Variants in SENP6 observed in about 807,000 individuals in gnomAD.
SENP6 encodes the protein sentrin-specific protease 6.
SENP6 carries 41 observed loss-of-function variants against 134.5 expected under a neutral mutation model. That is an observed-to-expected ratio of 0.30 (90% CI 0.24 to 0.40). SENP6 has a LOEUF of 0.40. Ranked by LOEUF, SENP6 falls within the 10% of genes least tolerant of loss-of-function variation. SENP6 has a pLI of 1.00. For missense variants in SENP6, 1,248 were observed against 1,312.5 expected (o/e 0.95, Z 0.76); for synonymous variants, 395 against 429.8 (o/e 0.92, Z 1.00).
At chr6:75,670,416 T>A (rs1229010462) in intron 10 of SENP6, 137 bp from the exon 11 acceptor site, 12 of 542,508 alleles carry the variant, frequency 2.2e-5, no homozygotes, top group African/African-American at 3.7e-5. Context: ...TTTAATTTTA[T>A]CTAACACTGT....
At chr6:75,635,840 A>G (rs1174684766) in intron 5 of SENP6, among the ~76,000 whole-genome samples, 1 of 152,280 alleles carries the variant, frequency 6.6e-6, no homozygotes, top group South Asian at 2.1e-4. Context: ...TGCCCTGATC[A>G]TACTAATAGA....
chr6:75,684,327 A>G (rs950961292), intron 16 of SENP6, among the ~76,000 whole-genome samples: 5 of 152,242 alleles, frequency 3.3e-5, no homozygotes, highest in Non-Finnish European at 7.3e-5. Flanking sequence ...TAAATACACA[A>G]TCATGTCATC....
chr6:75,662,668 T>C (rs183490623), intron 8 of SENP6, among the ~76,000 whole-genome samples: 2 of 152,346 alleles, frequency 1.3e-5, no homozygotes, highest in Admixed American at 1.3e-4. Flanking sequence ...TAAATGTTTC[T>C]TAGCTGATGG....
At chr6:75,681,082 T>C (rs1773431470) in intron 16 of SENP6, among the ~76,000 whole-genome samples, 1 of 152,178 alleles carries the variant, frequency 6.6e-6, no homozygotes, top group South Asian at 2.1e-4. Flanking sequence ...GTCAGAATTA[T>C]TTGACAAAGA....
At position 75,677,195 on chromosome 6, in the gene SENP6, C is replaced by G; in HGVS notation, c.1787C>G (p.Thr596Arg). Residue 596 changes from threonine to arginine, a missense_variant, in exon 14 of 24, where the codon ACA becomes AGA. Around this residue, in one of 3 missense-constraint regions of SENP6, gnomAD observed 733 missense variants for 725.4 expected, o/e 1.01. Coordinates refer to ENST00000447266, the MANE Select transcript of SENP6 (RefSeq NM_015571.4). ...GCTAATGGCAGACTTGTTGCCTGTA[C>G]AAGAACCTATGAAGAGAGCATCAAA... ...EEANGRLVACTRTYEESIKGS... is the reference protein window; with the variant it reads ...EEANGRLVACRRTYEESIKGS... The G allele has an allele frequency of 6.2e-7, 1 of 1,612,112 alleles. No individual in the cohort carries two copies. Among genetic ancestry groups the G allele is most frequent in the Non-Finnish European group, 8.5e-7 (1 of 1,178,988 alleles).
chr6:75,695,770 A>C, intron 16 of SENP6, 34 bp from the exon 17 acceptor site: 1 of 1,492,726 alleles, frequency 6.7e-7, no homozygotes, highest in Non-Finnish European at 9.1e-7. Context: ...GAACTGTTAC[A>C]TTAATTATAT....
At chr6:75,625,398 A>G (rs930232158) in intron 3 of SENP6, among the ~76,000 whole-genome samples, 1 of 151,952 alleles carries the variant, frequency 6.6e-6, no homozygotes, top group Non-Finnish European at 1.5e-5. Context: ...TACAGACGTG[A>G]GCCACCGTGC....
chr6:75,614,656 G>C (rs1767715640), intron 1 of SENP6, among the ~76,000 whole-genome samples: 1 of 152,138 alleles, frequency 6.6e-6, no homozygotes, highest in Admixed American at 6.5e-5. Flanking sequence ...TTCACCCACT[G>C]GTTCAGCATC....
rs753337645 is a variant in SENP6, at chr6:75,663,224, T to A, written c.700T>A (p.Leu234Met). The A allele has an allele frequency of 6.2e-7, 1 of 1,607,826 alleles. No homozygotes were observed. Among genetic ancestry groups the A allele is most frequent in the Non-Finnish European group, 8.5e-7 (1 of 1,178,578 alleles). ...TTGTGGTGTTCTTTTTTCTAAGGAT[T>A]TGCAAAGAAATTGCAGACAAGCTAT... ...SKKCLTHLEDLQRNCRQAITL... is the reference protein window; with the variant it reads ...SKKCLTHLEDMQRNCRQAITL... The change falls in exon 9 of 24, where the codon TTG (leucine) becomes ATG (methionine). Residue 234 changes from leucine to methionine, a missense_variant. This residue lies in a region of SENP6 where 733 missense variants were observed against 725.4 expected (regional missense o/e 1.01). Coordinates refer to ENST00000447266, the MANE Select transcript of SENP6 (RefSeq NM_015571.4).
chr6:75,670,107 A>C (rs574929623), intron 10 of SENP6, among the ~76,000 whole-genome samples: 1 of 152,132 alleles, frequency 6.6e-6, no homozygotes, highest in East Asian at 1.9e-4. Context: ...CACCACACCC[A>C]GCTAATTTTT....
rs201762586 is a variant in SENP6 at position 75,666,683 on chromosome 6, T to A, written c.995-29T>A. ...TAAAATTATAACTATAGTTTTAATA[T>A]AAATTATAAATTATTAAAATACTTT... On this transcript the variant is annotated intron_variant, in intron 9 of 23. Coordinates refer to ENST00000447266, the MANE Select transcript of SENP6 (RefSeq NM_015571.4). The A allele has an allele frequency of 2.9e-6, 3 of 1,041,638 alleles. No individual in the cohort carries two copies. The Admixed American group carries it at 1.1e-4, about 38-fold the overall frequency. The allele number at this position is 1,041,638 out of a possible 1,614,324, so 64.5% of individuals were successfully genotyped here. A position where few individuals can be genotyped will look rare whatever the true frequency, so the allele number is the denominator to read the frequency against.
At chr6:75,608,803 C>G (rs557506329) in intron 1 of SENP6, among the ~76,000 whole-genome samples, 7 of 152,212 alleles carry the variant, frequency 4.6e-5, no homozygotes, top group Non-Finnish European at 8.8e-5. Context: ...TAAAGCAATT[C>G]CAGGCATATA....
In SENP6 at chr6:75,613,348, T is replaced by C. The variant is rs550173124; in HGVS notation, c.53-8184T>C. Among the ~76,000 whole-genome samples, 10 of 152,302 alleles carry C rather than the reference T, an allele frequency of 6.6e-5. No individual in the cohort carries two copies. The South Asian group carries it at 1.2e-3, about 19-fold the overall frequency. On this transcript the variant is annotated intron_variant, in intron 1 of 23. Coordinates refer to ENST00000447266, the MANE Select transcript of SENP6 (RefSeq NM_015571.4). ...TATTTGCATTATCCCTGCCTTCTCA[T>C]TGAAATGGCAACGTTGAGTAACTGA...
chr6:75,630,361 G>A (rs914970219), intron 3 of SENP6, among the ~76,000 whole-genome samples: 1 of 152,054 alleles, frequency 6.6e-6, no homozygotes, highest in Non-Finnish European at 1.5e-5. Flanking sequence ...TGAGCTGCTC[G>A]GCCAACATTT....
At chr6:75,636,727 G>A (rs1449316256) in intron 5 of SENP6, among the ~76,000 whole-genome samples, 1 of 152,182 alleles carries the variant, frequency 6.6e-6, no homozygotes, top group African/African-American at 2.4e-5. Flanking sequence ...ACTGCATGCA[G>A]TAGGAATCAC....
In SENP6 at chr6:75,666,931, T is replaced by A. The variant is rs750229452; in HGVS notation, c.1214T>A (p.Met405Lys). The A allele has an allele frequency of 6.3e-7, 1 of 1,597,684 alleles. No individual in the cohort carries two copies. The change falls in exon 10 of 24, where the codon ATG becomes AAG. Residue 405 changes from methionine to lysine, a missense_variant. By Grantham distance (95) the Met-to-Lys change is moderately conservative. Transcript: ENST00000447266. ...NTVTLPRKAR[M>K]KDQFGNSIIN... ...GTTACATTGCCAAGAAAAGCAAGAATGAAAGACCAGGTACTTTTCACTTTT... is the reference window on the plus strand; with the variant it reads ...GTTACATTGCCAAGAAAAGCAAGAAAGAAAGACCAGGTACTTTTCACTTTT...
intron 18 of SENP6, chr6:75,697,847 G>T (rs1774760332): frequency 5.5e-6 from 1 of 181,414 alleles, no homozygotes. Context: ...AGATGATTAG[G>T]TCACATAAAG....
chr6:75,643,066 T>C (rs1182963878), intron 6 of SENP6, among the ~76,000 whole-genome samples: 1 of 152,110 alleles, frequency 6.6e-6, no homozygotes, highest in Non-Finnish European at 1.5e-5. Context: ...TAATAAGCAT[T>C]GAGAGGGAAG....
intron 13 of SENP6, 22 bp downstream of exon 13, chr6:75,676,076 A>G: frequency 7.1e-7 from 1 of 1,402,030 alleles, no homozygotes; most frequent in Non-Finnish European, 9.7e-7. Flanking sequence ...AAAACAGATT[A>G]TAATAGATAA....
Sources: gnomAD v4.1 joint callset for allele counts (sites outside exome capture counted in the v4.1 genomes callset) on GRCh38, gnomAD v4.1.1 for gene constraint, gnomAD v4.1.1 regional missense constraint, MANE v1.5 for transcripts, NCBI Gene and HGNC (gene_info 2026-07-23, HGNC 2026-07-21) for gene names.